The following PRRX2 variants were observed in gnomAD, a reference collection of about 807,000 sequenced individuals.
PRRX2 encodes the protein paired mesoderm homeobox protein 2.
Under a neutral mutation model 18.0 loss-of-function variants are expected in PRRX2, and 11 were observed. That is an observed-to-expected ratio of 0.61 (90% CI 0.39 to 1.01). PRRX2 has a LOEUF of 1.01. Ranked by LOEUF, PRRX2 falls within the 50% of genes least tolerant of loss-of-function variation. The probability of loss-of-function intolerance (pLI) is 0.01; values close to 1 mark genes in which losing one functional copy is unlikely to be tolerated. For synonymous variants in PRRX2, 177 were observed against 154.8 expected (o/e 1.14, Z -1.06); for missense variants, 387 against 351.0 (o/e 1.10, Z -0.82).
At chr9:129,683,551 C>T (rs900158820) in intron 1 of PRRX2, among the ~76,000 whole-genome samples, 1 of 151,994 alleles carries the variant, frequency 6.6e-6, no homozygotes, top group Non-Finnish European at 1.5e-5. Context: ...CTGGCTAAAA[C>T]GGTGAAACCC....
chr9:129,717,724 AAAAG>A (rs1042741893), intron 1 of PRRX2, among the ~76,000 whole-genome samples: 5 of 151,556 alleles, frequency 3.3e-5, no homozygotes, highest in Non-Finnish European at 7.4e-5. Context: ...AGAAAAAGAA[AAAAG>A]AAAGAAAATG....
intron 1 of PRRX2, among the ~76,000 whole-genome samples, chr9:129,703,636 G>A (rs1454687068): frequency 6.6e-6 from 1 of 152,098 alleles, no homozygotes; most frequent in Non-Finnish European, 1.5e-5. Context: ...ATAACCCAGT[G>A]CCAGGCGCAT....
rs372794376 is a variant in PRRX2 at position 129,690,180 on chromosome 9, C to T, written c.259+24054C>T. Among the ~76,000 whole-genome samples the T allele has an allele frequency of 6.4e-4, 97 of 152,308 alleles. 1 individual carries two copies. The highest frequency in any genetic ancestry group is 2.2e-3 in the African/African-American group (92 of 41,570). On this transcript the variant is annotated intron_variant, in intron 1 of 3. Coordinates refer to ENST00000372469, the MANE Select transcript of PRRX2 (RefSeq NM_016307.4). ...ACCTTACCCAGCCTGTCCTCCTCTC[C>T]GCTGCGATCCTCTGTTTTCAGGGCT...
chr9:129,720,908 C>T lies in PRRX2; in HGVS notation c.626+134C>T, dbSNP rs186798114. 5 of 1,048,544 alleles carry T rather than the reference C, an allele frequency of 4.8e-6. No individual in the cohort carries two copies. The Admixed American group carries it at 1.8e-4, about 38-fold the overall frequency. The allele number at this position is 1,048,544 out of a possible 1,614,324, so 65.0% of individuals were successfully genotyped here. A position where few individuals can be genotyped will look rare whatever the true frequency, so the allele number is the denominator to read the frequency against. On this transcript the variant is annotated intron_variant, in intron 3 of 3. Transcript: ENST00000372469. ...ACGCGCCCCTGGGATCTGGGGTACA[C>T]CAAGTGATGTGTGGCGAGTGTGCCT...
At chr9:129,680,353 A>C (rs1832210619) in intron 1 of PRRX2, among the ~76,000 whole-genome samples, 1 of 148,644 alleles carries the variant, frequency 6.7e-6, no homozygotes. Context: ...GTGCGCTGAG[A>C]TCATGCCACT....
intron 1 of PRRX2, among the ~76,000 whole-genome samples, chr9:129,680,332 C>T (rs1161335817): frequency 3.6e-5 from 5 of 139,480 alleles, no homozygotes; most frequent in Non-Finnish European, 7.5e-5. Flanking sequence ...ACCTGGGAGG[C>T]GGAGGTTGCA....
intron 1 of PRRX2, among the ~76,000 whole-genome samples, chr9:129,705,894 C>T (rs1037853727): frequency 6.6e-6 from 1 of 151,234 alleles, no homozygotes; most frequent in East Asian, 2.1e-4. Context: ...CCTGCTGGCT[C>T]TCTCACTGAG....
intron 1 of PRRX2, among the ~76,000 whole-genome samples, chr9:129,694,793 T>C (rs1231421959): frequency 1.3e-5 from 2 of 152,104 alleles, no homozygotes; most frequent in Admixed American, 6.5e-5. Context: ...ACCTGGCACA[T>C]AGGGGAGTCC....
chr9:129,666,004 T>C lies in PRRX2; in HGVS notation c.137T>C (p.Leu46Pro), dbSNP rs1383545219. The change falls in exon 1 of 4, where the codon CTG (leucine) becomes CCG (proline). Residue 46 changes from leucine to proline, a missense_variant. Leu to Pro is a moderately conservative substitution (Grantham distance 98). Transcript: ENST00000372469. ...TTCTCGGTGAGCCACCTCCTGGACCTGGAAGAGGTGGCGGCGGCCGGGCGG... is the reference window on the plus strand; with the variant it reads ...TTCTCGGTGAGCCACCTCCTGGACCCGGAAGAGGTGGCGGCGGCCGGGCGG... ...KNFSVSHLLDLEEVAAAGRLA... is the reference protein window; with the variant it reads ...KNFSVSHLLDPEEVAAAGRLA... The C allele has an allele frequency of 9.3e-7, 1 of 1,075,326 alleles. No homozygotes were observed. The highest frequency in any genetic ancestry group is 1.1e-6 in the Non-Finnish European group (1 of 890,628). 66.6% of individuals were successfully genotyped at this position (1,075,326 alleles called of 1,614,324 possible).
At chr9:129,670,301 T>A (rs1832084723) in intron 1 of PRRX2, among the ~76,000 whole-genome samples, 1 of 151,956 alleles carries the variant, frequency 6.6e-6, no homozygotes, top group African/African-American at 2.4e-5. Context: ...TGTATACAAG[T>A]CCCTGCTTTT....
At chr9:129,670,284 A>G (rs563612306) in intron 1 of PRRX2, among the ~76,000 whole-genome samples, 127 of 151,952 alleles carry the variant, frequency 8.4e-4, no homozygotes, top group Non-Finnish European at 1.4e-3. Flanking sequence ...ACCGCTGTGG[A>G]CGTGGATGTA....
chr9:129,722,343 G>A lies in PRRX2; in HGVS notation c.753G>A (p.Thr251=), dbSNP rs373951160. ...GCCTGCACCACAGCCAGGTGCCTAC[G>A]GTGAACTGAAGTCCAGTCCCACCAG... ...EFSLHHSQVP[T]VN is the part of the protein sequence containing the mutation. Residue 251 remains threonine (T), a synonymous_variant, in exon 4 of 4, where the codon ACG becomes ACA. Transcript: ENST00000372469. The A allele has an allele frequency of 7.3e-5, 117 of 1,613,750 alleles. No individual in the cohort carries two copies. Among genetic ancestry groups the A allele is most frequent in the Non-Finnish European group, 8.9e-5 (105 of 1,179,988 alleles).
intron 1 of PRRX2, among the ~76,000 whole-genome samples, chr9:129,714,274 C>T (rs1329507956): frequency 6.6e-6 from 1 of 151,602 alleles, no homozygotes; most frequent in African/African-American, 2.4e-5. Context: ...CACTGTACTC[C>T]AGCCTATAAT....
intron 1 of PRRX2, among the ~76,000 whole-genome samples, chr9:129,700,301 G>A (rs1029938489): frequency 6.6e-6 from 1 of 151,514 alleles, no homozygotes; most frequent in Admixed American, 6.6e-5. Context: ...CTCTTCCTCA[G>A]TGGGGTGCTG....
At position 129,715,747 on chromosome 9, in the gene PRRX2, T is replaced by TTCTCTC. The variant is rs111270890; in HGVS notation, c.260-3480_260-3479insTCTCTC. ...TCCAAACCCAGCTTCAGGGACATCTTTCTCACACACACACACACACACACA... is the reference window on the plus strand; with the variant it reads ...TCCAAACCCAGCTTCAGGGACATCTTTCTCTCTCTCACACACACACACACACACACA... On this transcript the variant is annotated intron_variant, in intron 1 of 3. Coordinates refer to ENST00000372469, the MANE Select transcript of PRRX2 (RefSeq NM_016307.4). This position sits in a 1 kb window ranked among gnomAD's most constrained non-coding sequence, Gnocchi z 4.0. Among the ~76,000 whole-genome samples, 6,683 of 112,600 alleles carry TTCTCTC rather than the reference T, an allele frequency of 0.059. 172 individuals carry two copies. Among genetic ancestry groups the TTCTCTC allele is most frequent in the African/African-American group, 0.08 (2,458 of 30,664 alleles). The allele number at this position is 112,600 out of a possible 152,430, so 73.9% of individuals were successfully genotyped here.
intron 1 of PRRX2, among the ~76,000 whole-genome samples, chr9:129,691,767 C>T (rs1832363181): frequency 6.6e-6 from 1 of 151,094 alleles, no homozygotes; most frequent in African/African-American, 2.4e-5. Flanking sequence ...CAGCCTCCAT[C>T]TCCCGGGCTC....
At chr9:129,687,585 C>T (rs1349024642) in intron 1 of PRRX2, among the ~76,000 whole-genome samples, 1 of 152,212 alleles carries the variant, frequency 6.6e-6, no homozygotes, top group African/African-American at 2.4e-5. Flanking sequence ...AACAGTGGCG[C>T]CTGGCACAAG....
intron 1 of PRRX2, among the ~76,000 whole-genome samples, chr9:129,702,251 A>C (rs1425303935): frequency 6.6e-6 from 1 of 151,662 alleles, no homozygotes; most frequent in African/African-American, 2.4e-5. Context: ...CAAAAGCATT[A>C]GCTGGGCATG....
At chr9:129,719,675 C>T (rs1387168801) in intron 2 of PRRX2, among the ~76,000 whole-genome samples, 1 of 152,184 alleles carries the variant, frequency 6.6e-6, no homozygotes, top group Non-Finnish European at 1.5e-5. Context: ...AGGGGTCCTT[C>T]GAGGATTAGA....
Sources: gnomAD v4.1 joint callset for allele counts (sites outside exome capture counted in the v4.1 genomes callset) on GRCh38, gnomAD v4.1.1 for gene constraint, Gnocchi (gnomAD v3.1) non-coding constraint, MANE v1.5 for transcripts, NCBI Gene and HGNC (gene_info 2026-07-23, HGNC 2026-07-21) for gene names.